Variants in ASH1L observed in about 807,000 individuals in gnomAD.
ASH1L encodes the protein ASH1 like histone lysine methyltransferase.
In ASH1L, 23 loss-of-function variants were observed where a neutral mutation model predicts 269.0. That is an observed-to-expected ratio of 0.09 (90% confidence interval 0.06 to 0.12). The LOEUF (loss-of-function observed/expected upper bound fraction) is 0.12. Ranked by LOEUF, ASH1L falls within the 10% of genes least tolerant of loss-of-function variation. The pLI, the probability that ASH1L is intolerant of heterozygous loss-of-function variation, is 1.00. For synonymous variants in ASH1L, 1,187 were observed against 1,253.5 expected (o/e 0.95, Z 1.12); for missense variants, 2,912 against 3,567.8 (o/e 0.82, Z 4.68).
intron 24 of ASH1L, chr1:155,342,977 G>C: frequency 5.3e-6 from 1 of 187,180 alleles, no homozygotes; most frequent in Non-Finnish European, 1.1e-5. Context: ...AACAAGAATG[G>C]GGTGGGCAAT....
At chr1:155,385,930 G>A (rs1657391292) in intron 7 of ASH1L, among the ~76,000 whole-genome samples, 1 of 152,122 alleles carries the variant, frequency 6.6e-6, no homozygotes, top group African/African-American at 2.4e-5. Flanking sequence ...TTGTGGTGGG[G>A]TAGTTATGTT....
intron 20 of ASH1L, among the ~76,000 whole-genome samples, chr1:155,347,430 C>G (rs1017142542): frequency 4.0e-5 from 6 of 150,824 alleles, no homozygotes; most frequent in African/African-American, 1.2e-4. Context: ...AACAAAAAAA[C>G]AAGAAGAGAG....
intron 1 of ASH1L, among the ~76,000 whole-genome samples, chr1:155,524,217 C>T (rs1389023627): frequency 2.0e-5 from 3 of 152,140 alleles, no homozygotes; most frequent in Middle Eastern, 3.2e-3. Flanking sequence ...AACATACACA[C>T]TCTCCCTTTA....
chr1:155,512,266 G>A (rs1017393365), intron 2 of ASH1L, among the ~76,000 whole-genome samples: 7 of 151,718 alleles, frequency 4.6e-5, no homozygotes, highest in African/African-American at 7.3e-5. Context: ...TCCGCCAGGC[G>A]CAGCACAGGG....
intron 6 of ASH1L, among the ~76,000 whole-genome samples, chr1:155,412,353 G>A (rs1013595520): frequency 7.2e-5 from 11 of 152,048 alleles, no homozygotes; most frequent in Non-Finnish European, 1.5e-4. Context: ...AGCCTGCAGT[G>A]AGCCAAGATC....
Position 155,338,256 on chromosome 1 carries a change from G to T in ASH1L, c.8636C>A (p.Pro2879Gln), listed in dbSNP as rs1270442248. 1.2e-6 allele frequency: 2 copies of T among 1,613,634 alleles called. No homozygotes were observed. Among genetic ancestry groups the T allele is most frequent in the African/African-American group, 2.7e-5 (2 of 74,768 alleles). ...AANEIPSLEE[P>Q]EREGATANVS... is the part of the protein sequence containing the mutation. ...GTTAGCAGTGGCCCCTTCCCGTTCT[G>T]GCTCCTCCAGGCTGGGTATCTCATT... Residue 2879 changes from proline (P) to glutamine (Q), a missense_variant, in exon 27 of 28, where the codon CCA becomes CAA. This residue lies in a region of ASH1L where 154 missense variants were observed against 165.0 expected (regional missense o/e 0.93). Transcript: ENST00000392403.
intron 10 of ASH1L, among the ~76,000 whole-genome samples, chr1:155,373,750 C>T (rs1656186457): frequency 6.6e-6 from 1 of 152,008 alleles, no homozygotes; most frequent in Non-Finnish European, 1.5e-5. Flanking sequence ...TCACTGCAGC[C>T]TCGACCTCCT....
At chr1:155,552,032 T>TA (rs1254152474) in intron 1 of ASH1L, among the ~76,000 whole-genome samples, 1 of 152,162 alleles carries the variant, frequency 6.6e-6, no homozygotes, top group African/African-American at 2.4e-5. Context: ...AACAGTATGT[T>TA]ATATCAGTAC....
chr1:155,531,757 A>C (rs72704192), intron 1 of ASH1L, among the ~76,000 whole-genome samples: 2,490 of 152,304 alleles, frequency 0.016, 35 homozygotes, highest in Non-Finnish European at 0.026. Flanking sequence ...TTAGGTAGTA[A>C]AACTGGAAAA....
intron 7 of ASH1L, among the ~76,000 whole-genome samples, chr1:155,391,993 A>G (rs1657970047): frequency 6.6e-6 from 1 of 152,162 alleles, no homozygotes; most frequent in Admixed American, 6.6e-5. Context: ...TAAGAAAGAA[A>G]TAAAAGAAAA....
chr1:155,428,562 A>G (rs1661351877), intron 5 of ASH1L, among the ~76,000 whole-genome samples: 1 of 152,208 alleles, frequency 6.6e-6, no homozygotes, highest in African/African-American at 2.4e-5. Context: ...CATGATGGCC[A>G]TGACACCCAC....
chr1:155,550,266 T>C (rs1671108535), intron 1 of ASH1L, among the ~76,000 whole-genome samples: 2 of 152,072 alleles, frequency 1.3e-5, no homozygotes, highest in South Asian at 2.1e-4. Flanking sequence ...GATCCACCCA[T>C]CTCGGCCTCC....
At chr1:155,425,418 A>C (rs193223793) in intron 5 of ASH1L, among the ~76,000 whole-genome samples, 2 of 147,362 alleles carry the variant, frequency 1.4e-5, no homozygotes, top group East Asian at 4.0e-4. Context: ...CTGGGATTAC[A>C]GGCACTCACC....
intron 4 of ASH1L, among the ~76,000 whole-genome samples, chr1:155,452,391 T>C (rs1663551478): frequency 6.6e-6 from 1 of 152,160 alleles, no homozygotes; most frequent in Non-Finnish European, 1.5e-5. Context: ...ATTTTTGTTT[T>C]TTCACAATTA....
chr1:155,358,544 T>C (rs867359870), intron 13 of ASH1L, among the ~76,000 whole-genome samples: 65 of 151,914 alleles, frequency 4.3e-4, no homozygotes, highest in Middle Eastern at 6.8e-3. Context: ...AAAAATTAGC[T>C]GGGTGTGGTG....
intron 3 of ASH1L, among the ~76,000 whole-genome samples, chr1:155,464,019 A>G (rs1053916114): frequency 5.3e-5 from 8 of 152,188 alleles, no homozygotes; most frequent in Admixed American, 5.2e-4. Context: ...GCTTTTGCAG[A>G]GTATGCCCAA....
chr1:155,362,398 A>AT (rs1655045285), intron 12 of ASH1L, among the ~76,000 whole-genome samples: 1 of 151,684 alleles, frequency 6.6e-6, no homozygotes, highest in Non-Finnish European at 1.5e-5. Flanking sequence ...ATCTTAATAT[A>AT]TTAAAAAAAA....
At chr1:155,460,329 G>A (rs1485145480) in intron 3 of ASH1L, among the ~76,000 whole-genome samples, 1 of 152,150 alleles carries the variant, frequency 6.6e-6, no homozygotes, top group Non-Finnish European at 1.5e-5. Context: ...TGATGTGAGG[G>A]CCCAGCGCAG....
At chr1:155,502,157 G>A (rs1340753076) in intron 2 of ASH1L, among the ~76,000 whole-genome samples, 7 of 142,744 alleles carry the variant, frequency 4.9e-5, no homozygotes, top group East Asian at 2.1e-4. Context: ...TGCAACCTCC[G>A]CCTCCCGGGT....
Sources: gnomAD v4.1 joint callset for allele counts (sites outside exome capture counted in the v4.1 genomes callset) on GRCh38, gnomAD v4.1.1 for gene constraint, gnomAD v4.1.1 regional missense constraint, MANE v1.5 for transcripts, NCBI Gene and HGNC (gene_info 2026-07-23, HGNC 2026-07-21) for gene names.